KBTBD11: variants seen among roughly 807,000 people sequenced by gnomAD.
KBTBD11 encodes the protein kelch repeat and BTB domain containing 11, also known as kelch repeat and BTB domain-containing protein 11.
For missense variants in KBTBD11, 1,390 were observed against 1,001.8 expected, an observed-to-expected ratio of 1.39 and a Z score of -5.23; for synonymous variants, 747 against 499.0, an observed-to-expected ratio of 1.50 and a Z score of -6.63.
rs146672184 is a variant in KBTBD11 at position 1,981,047 on chromosome 8, C to G, written c.-909+7112C>G. 1.2e-4 allele frequency among the ~76,000 whole-genome samples: 19 copies of G among 152,264 alleles called. No homozygotes were observed. In the East Asian group the frequency reaches 3.7e-3, roughly 29 times the overall value. ...CTCAGCGTCTGGTTTCTAATTTTAG[C>G]GCCAACACTAATTGGCTGTGTGACC... On this transcript the variant is annotated intron_variant, in intron 1 of 1. Transcript: ENST00000320248.
chr8:1,989,685 A>G lies in KBTBD11; in HGVS notation c.-908-10600A>G, dbSNP rs376753761. Among the ~76,000 whole-genome samples, 162 of 152,288 alleles carry G rather than the reference A, an allele frequency of 1.1e-3. 1 individual carries two copies. The highest frequency in any genetic ancestry group is 3.1e-3 in the African/African-American group (130 of 41,558). On this transcript the variant is annotated intron_variant, in intron 1 of 1. Transcript: ENST00000320248. ...CTCTGCACGACGCATCGCCTCCCCG[A>G]AGAGCTCATAGCAGGCAGTGGTTAA...
At position 2,002,214 on chromosome 8, in the gene KBTBD11, C is replaced by A. The variant is rs989870299; in HGVS notation, c.1022C>A (p.Thr341Lys). ...GCGGCCGGAGAGTGGCGCGAGCTGA[C>A]GCGGCTGCCCGAGGGCGCGCCGGCG... ...HAAAGEWREL[T>K]RLPEGAPARG... Residue 341 changes from threonine (T) to lysine (K), a missense_variant, in exon 2 of 2, where the codon ACG (threonine) becomes AAG (lysine). Physicochemically the swap from Thr to Lys is moderately conservative, Grantham distance 78. Transcript: ENST00000320248. The surrounding 1 kb of genome is among the most constrained non-coding windows in gnomAD (Gnocchi z 4.1). The A allele has an allele frequency of 7.9e-7, 1 of 1,261,472 alleles. No homozygotes were observed. The highest frequency in any genetic ancestry group is 2.6e-5 in the South Asian group (1 of 37,752). 78.1% of individuals were successfully genotyped at this position (1,261,472 alleles called of 1,614,324 possible).
At chr8:1,990,182 G>A (rs1363151099) in intron 1 of KBTBD11, among the ~76,000 whole-genome samples, 1 of 152,138 alleles carries the variant, frequency 6.6e-6, no homozygotes, top group Non-Finnish European at 1.5e-5. Context: ...GAGCCTGTCT[G>A]GGTAGATGCT....
Position 2,006,313 on chromosome 8 carries a change from G to T in KBTBD11, c.*3249G>T, listed in dbSNP as rs1361414074. ...TTTGTCTTTTGCTGAAGTCAGGATA[G>T]ATTCAAGACATAATCTCTTGTAAGA... On this transcript the variant is annotated 3_prime_UTR_variant, in exon 2 of 2. Transcript: ENST00000320248. 1 of 167,066 alleles carries T rather than the reference G, an allele frequency of 6.0e-6. No homozygotes were observed. The highest frequency in any genetic ancestry group is 1.5e-5 in the Non-Finnish European group (1 of 68,130). The allele number at this position is 167,066 out of a possible 1,614,324, so 10.3% of individuals were successfully genotyped here. A position where few individuals can be genotyped will look rare whatever the true frequency, so the allele number is the denominator to read the frequency against.
In KBTBD11 at chr8:2,003,374, A is replaced by T; in HGVS notation, c.*310A>T. ...AGGGTACAGTGGGGGTTCCTGAGGC[A>T]GCCTGCAGCCGGCCCCGGGGTGTCC... On this transcript the variant is annotated 3_prime_UTR_variant, in exon 2 of 2. Transcript: ENST00000320248. 3.6e-6 allele frequency: 1 copy of T among 280,882 alleles called. No homozygotes were observed. The highest frequency in any genetic ancestry group is 6.9e-6 in the Non-Finnish European group (1 of 145,508). 17.4% of individuals were successfully genotyped at this position (280,882 alleles called of 1,614,324 possible). A position where few individuals can be genotyped will look rare whatever the true frequency, so the allele number is the denominator to read the frequency against.
chr8:1,983,929 A>C (rs1025476089), intron 1 of KBTBD11, among the ~76,000 whole-genome samples: 1 of 151,740 alleles, frequency 6.6e-6, no homozygotes, highest in Non-Finnish European at 1.5e-5. Context: ...CAGGAGTTTG[A>C]GACCAGCCTG....
chr8:1,999,592 C>G (rs751386144), intron 1 of KBTBD11, among the ~76,000 whole-genome samples: 5 of 152,248 alleles, frequency 3.3e-5, no homozygotes, highest in Non-Finnish European at 7.3e-5. Flanking sequence ...CTTCCACATA[C>G]TTCATTCAGT....
chr8:2,002,406 T>C lies in KBTBD11; in HGVS notation c.1214T>C (p.Leu405Pro). The change falls in exon 2 of 2, where the codon CTG (leucine) becomes CCG (proline). Residue 405 changes from leucine to proline, a missense_variant. Leu to Pro is a moderately conservative substitution (Grantham distance 98, BLOSUM62 -3). Coordinates refer to ENST00000320248, the MANE Select transcript of KBTBD11 (RefSeq NM_014867.3). This position sits in a 1 kb window ranked among gnomAD's most constrained non-coding sequence, Gnocchi z 4.1. ...VRPLRQARSQLRLLALDGHLY... is the reference protein window; with the variant it reads ...VRPLRQARSQPRLLALDGHLY... Reference sequence around the variant, plus strand: ...CCCCTGCGCCAGGCGCGCTCGCAGCTGCGGCTGCTGGCCCTGGACGGTCAC... The same window carrying C: ...CCCCTGCGCCAGGCGCGCTCGCAGCCGCGGCTGCTGGCCCTGGACGGTCAC... 1.3e-6 allele frequency: 2 copies of C among 1,481,860 alleles called. No homozygotes were observed. The highest frequency in any genetic ancestry group is 8.9e-7 in the Non-Finnish European group (1 of 1,122,536). 91.8% of individuals were successfully genotyped at this position (1,481,860 alleles called of 1,614,324 possible).
At chr8:1,974,808 C>T (rs1230221929) in intron 1 of KBTBD11, 1 of 458,330 alleles carries the variant, frequency 2.2e-6, no homozygotes, top group Non-Finnish European at 2.9e-6. Flanking sequence ...ACGTTTCCCC[C>T]TCCACCCACT....
intron 1 of KBTBD11, among the ~76,000 whole-genome samples, chr8:1,987,863 C>G (rs1193920566): frequency 1.3e-5 from 2 of 152,038 alleles, no homozygotes; most frequent in Non-Finnish European, 2.9e-5. Context: ...GGTATTTCTC[C>G]TAATGCTTTC....
At chr8:1,982,898 G>C (rs549223826) in intron 1 of KBTBD11, among the ~76,000 whole-genome samples, 16 of 152,180 alleles carry the variant, frequency 1.1e-4, no homozygotes, top group African/African-American at 3.9e-4. Flanking sequence ...ACTAATTTTT[G>C]TACTTTTAGT....
intron 1 of KBTBD11, among the ~76,000 whole-genome samples, chr8:1,977,769 CA>C (rs1816399418): frequency 6.6e-6 from 1 of 152,260 alleles, no homozygotes; most frequent in East Asian, 1.9e-4. Context: ...CTCCTGGCCT[CA>C]AGTGATCTTC....
intron 1 of KBTBD11, among the ~76,000 whole-genome samples, chr8:1,980,998 A>C (rs1816522615): frequency 6.6e-6 from 1 of 152,210 alleles, no homozygotes; most frequent in Admixed American, 6.5e-5. Flanking sequence ...CAACAGGGCA[A>C]AATAGTAACA....
At position 1,995,879 on chromosome 8, in the gene KBTBD11, G is replaced by A. The variant is rs150182605; in HGVS notation, c.-908-4406G>A. On this transcript the variant is annotated intron_variant, in intron 1 of 1. Transcript: ENST00000320248. Reference sequence around the variant, plus strand: ...GTTTCTACTAAACATACAAAAATTAGCCAGCTGTGGTGGTGCGCCCCCATA... The same window carrying A: ...GTTTCTACTAAACATACAAAAATTAACCAGCTGTGGTGGTGCGCCCCCATA... 4.9e-4 allele frequency among the ~76,000 whole-genome samples: 74 copies of A among 152,190 alleles called. 1 individual carries two copies. Among genetic ancestry groups the A allele is most frequent in the African/African-American group, 1.7e-3 (71 of 41,518 alleles).
Position 1,991,571 on chromosome 8 carries a change from TCC to T in KBTBD11, c.-908-8713_-908-8712del, listed in dbSNP as rs1195098956. Among the ~76,000 whole-genome samples, 298 of 152,258 alleles carry T rather than the reference TCC, an allele frequency of 2.0e-3. 4 individuals are homozygous for T. Among genetic ancestry groups the T allele is most frequent in the African/African-American group, 6.8e-3 (284 of 41,496 alleles). Reference sequence around the variant, plus strand: ...TGATCCATGAGGGCAGGGCCCTTGCTCCTGCATCAGCCCAGAGGCCCGTGCAT... The same window carrying T: ...TGATCCATGAGGGCAGGGCCCTTGCTTGCATCAGCCCAGAGGCCCGTGCAT... On this transcript the variant is annotated intron_variant, in intron 1 of 1. Coordinates refer to ENST00000320248, the MANE Select transcript of KBTBD11 (RefSeq NM_014867.3).
chr8:2,001,674 G>GC lies in KBTBD11; in HGVS notation c.483dup (p.Ser162GlnfsTer290), dbSNP rs1744184080. 6.9e-7 allele frequency: 1 copy of GC among 1,459,630 alleles called. No homozygotes were observed. The highest frequency in any genetic ancestry group is 9.0e-7 in the Non-Finnish European group (1 of 1,110,868). The allele number at this position is 1,459,630 out of a possible 1,614,324, so 90.4% of individuals were successfully genotyped here. On this transcript the variant is annotated frameshift_variant, in exon 2 of 2. Coordinates refer to ENST00000320248, the MANE Select transcript of KBTBD11 (RefSeq NM_014867.3). LOFTEE classifies it low-confidence loss of function (END_TRUNC). ...GCGCACAAGGCGGTGCTGGCGGCGC[G>GC]CAGCGACTACTTCCGCGCGCGCGCG...
intron 1 of KBTBD11, among the ~76,000 whole-genome samples, chr8:1,982,257 A>T (rs1454403285): frequency 6.6e-6 from 1 of 152,244 alleles, no homozygotes; most frequent in African/African-American, 2.4e-5. Flanking sequence ...CAGTAGGTAC[A>T]CAAAAGGTAG....
intron 1 of KBTBD11, among the ~76,000 whole-genome samples, chr8:1,978,310 G>A (rs1313175874): frequency 2.0e-5 from 3 of 152,220 alleles, no homozygotes; most frequent in African/African-American, 7.2e-5. Flanking sequence ...CTGCAGTCTC[G>A]CTGGGCACAG....
At chr8:1,991,440 A>T (rs1816912642) in intron 1 of KBTBD11, among the ~76,000 whole-genome samples, 2 of 152,200 alleles carry the variant, frequency 1.3e-5, no homozygotes, top group Admixed American at 6.5e-5. Flanking sequence ...CACATGCTCC[A>T]GGGGTCTCAC....
Sources: gnomAD v4.1 joint callset for allele counts (sites outside exome capture counted in the v4.1 genomes callset) on GRCh38, gnomAD v4.1.1 for gene constraint, Gnocchi (gnomAD v3.1) non-coding constraint, MANE v1.5 for transcripts, NCBI Gene and HGNC (gene_info 2026-07-23, HGNC 2026-07-21) for gene names.